SV2C: variants seen among roughly 807,000 people sequenced by gnomAD.
SV2C encodes the protein synaptic vesicle glycoprotein 2C.
SV2C carries 49 observed loss-of-function variants against 79.7 expected under a neutral mutation model. The ratio of observed to expected loss-of-function variants is 0.61; its 90% CI spans 0.49 to 0.78. The LOEUF is 0.78. Among genes scored for constraint, SV2C ranks in the 30% least tolerant of loss-of-function variants. SV2C has a pLI of 0.00. For missense variants in SV2C, 833 were observed against 912.9 expected (o/e 0.91, Z 1.13); for synonymous variants, 334 against 333.2 (o/e 1.00, Z -0.03).
chr5:76,291,445 A>T, intron 7 of SV2C, 114 bp downstream of exon 7: 1 of 765,744 alleles, frequency 1.3e-6, no homozygotes. Flanking sequence ...GCTGCCCAGG[A>T]CACCTGACTC....
At chr5:76,261,195 T>C (rs1038733304) in intron 4 of SV2C, among the ~76,000 whole-genome samples, 1 of 152,168 alleles carries the variant, frequency 6.6e-6, no homozygotes, top group African/African-American at 2.4e-5. Context: ...TTTTATTTTC[T>C]TTGTAGCAAT....
chr5:75,887,488 C>T, the SV2C span, among the ~76,000 whole-genome samples: 4 of 151,878 alleles, frequency 2.6e-5, no homozygotes, highest in South Asian at 4.1e-4. Flanking sequence ...AAGATGTTCT[C>T]GCATGCCTCA....
rs1287071885 is a variant in SV2C, at chr5:76,132,168, C to T, written c.418C>T (p.Leu140=). 8 of 1,614,042 alleles carry T rather than the reference C, an allele frequency of 5.0e-6. No homozygotes were observed. The highest frequency in any genetic ancestry group is 1.3e-5 in the African/African-American group (1 of 74,922). ...DEEELAQQYE[L]IIQECGHGRF... ...GGAAGAGTTAGCCCAGCAGTATGAG[C>T]TGATAATCCAAGAATGCGGTCATGG... Residue 140 remains leucine (L), a synonymous_variant, in exon 2 of 13, where the codon CTG becomes TTG. Coordinates refer to ENST00000502798, the MANE Select transcript of SV2C (RefSeq NM_014979.4).
Position 76,126,787 on chromosome 5 carries a change from G to A in SV2C, c.-101-4863G>A, listed in dbSNP as rs183516884. On this transcript the variant is annotated intron_variant, in intron 1 of 12. Coordinates refer to ENST00000502798, the MANE Select transcript of SV2C (RefSeq NM_014979.4). ...TTTCAGATCCCTGTTTCCATCACAG[G>A]CTCCCATTTCCACAAAAACGTGGCA... Among the ~76,000 whole-genome samples the A allele has an allele frequency of 7.9e-5, 12 of 152,252 alleles. No individual in the cohort carries two copies. In the South Asian group the frequency reaches 1.2e-3, roughly 16 times the overall value.
the SV2C span, among the ~76,000 whole-genome samples, chr5:75,942,801 C>A: frequency 2.0e-5 from 3 of 152,014 alleles, no homozygotes; most frequent in Non-Finnish European, 4.4e-5. Flanking sequence ...TATTCCTTCA[C>A]TAGTTTTAGG....
chr5:75,908,287 T>G, the SV2C span, among the ~76,000 whole-genome samples: 1 of 152,226 alleles, frequency 6.6e-6, no homozygotes, highest in Non-Finnish European at 1.5e-5. Flanking sequence ...CATAATATGT[T>G]GCCTTTTGTG....
the SV2C span, among the ~76,000 whole-genome samples, chr5:76,073,518 T>C: frequency 9.8e-4 from 115 of 117,408 alleles, 1 homozygote; most frequent in Non-Finnish European, 1.6e-3. Context: ...TATATATATA[T>C]ATATATATAT....
chr5:76,176,094 T>G (rs1468277413), intron 2 of SV2C, among the ~76,000 whole-genome samples: 1 of 152,192 alleles, frequency 6.6e-6, no homozygotes, highest in Non-Finnish European at 1.5e-5. Flanking sequence ...CAACCTTGTG[T>G]GCATGGTGTT....
chr5:76,236,571 AAAT>A (rs200684364), intron 4 of SV2C, among the ~76,000 whole-genome samples: 5 of 145,062 alleles, frequency 3.4e-5, no homozygotes, highest in African/African-American at 1.4e-4. Context: ...CAAAAAAATA[AAAT>A]AAAATAAAGA....
At chr5:76,022,509 A>G in the SV2C span, among the ~76,000 whole-genome samples, 9 of 152,158 alleles carry the variant, frequency 5.9e-5, no homozygotes, top group Non-Finnish European at 1.2e-4. Context: ...CCCCTGGGAA[A>G]CTTCATCTTC....
the SV2C span, among the ~76,000 whole-genome samples, chr5:75,993,523 A>G: frequency 1.3e-5 from 2 of 152,076 alleles, no homozygotes; most frequent in Non-Finnish European, 2.9e-5. Context: ...CACGAAACGG[A>G]CACTGGCTCA....
chr5:75,913,805 C>T, the SV2C span, among the ~76,000 whole-genome samples: 9 of 152,094 alleles, frequency 5.9e-5, no homozygotes, highest in African/African-American at 2.2e-4. Context: ...GGATTCTTCT[C>T]AAAAAGCTAG....
the SV2C span, among the ~76,000 whole-genome samples, chr5:75,933,980 T>C: frequency 6.6e-6 from 1 of 152,230 alleles, no homozygotes; most frequent in African/African-American, 2.4e-5. Flanking sequence ...TTAGACACTA[T>C]TACTTAACAT....
At chr5:75,911,571 C>T in the SV2C span, 1 of 675,940 alleles carries the variant, frequency 1.5e-6, no homozygotes, top group Non-Finnish European at 2.7e-6. Flanking sequence ...TAGAGTTCTC[C>T]CCTAATCCAG....
chr5:75,865,086 C>T, the SV2C span, among the ~76,000 whole-genome samples: 2 of 152,212 alleles, frequency 1.3e-5, no homozygotes, highest in Non-Finnish European at 2.9e-5. Flanking sequence ...ACTTAACACA[C>T]TTTCTGGGAA....
intron 2 of SV2C, among the ~76,000 whole-genome samples, chr5:76,192,874 T>G (rs1744148303): frequency 6.6e-6 from 1 of 152,230 alleles, no homozygotes; most frequent in African/African-American, 2.4e-5. Flanking sequence ...ATATGACATT[T>G]TTTATACTAA....
chr5:76,107,009 T>C (rs1747939534), intron 1 of SV2C, among the ~76,000 whole-genome samples: 1 of 152,194 alleles, frequency 6.6e-6, no homozygotes, highest in Non-Finnish European at 1.5e-5. Context: ...AGAATGAACG[T>C]ATTCACAAAT....
At chr5:76,043,559 T>C in the SV2C span, among the ~76,000 whole-genome samples, 1 of 152,220 alleles carries the variant, frequency 6.6e-6, no homozygotes, top group Non-Finnish European at 1.5e-5. Context: ...ACTTCTCTTA[T>C]TGCTTAGTAA....
At chr5:76,346,794 C>T (rs540425462) in intron 12 of SV2C, among the ~76,000 whole-genome samples, 14 of 152,154 alleles carry the variant, frequency 9.2e-5, no homozygotes, top group Non-Finnish European at 1.8e-4. Context: ...CATACAAGGC[C>T]CTCAGTGATC....
Sources: gnomAD v4.1 joint callset for allele counts (sites outside exome capture counted in the v4.1 genomes callset) on GRCh38, gnomAD v4.1.1 for gene constraint, MANE v1.5 for transcripts, NCBI Gene and HGNC (gene_info 2026-07-23, HGNC 2026-07-21) for gene names.